The following MPP1 variants were observed in gnomAD, a reference collection of about 807,000 sequenced individuals.
MPP1 encodes 55 kDa erythrocyte membrane protein.
A neutral mutation model predicts 38.2 loss-of-function variants in MPP1; 6 were observed. That is an observed-to-expected ratio of 0.16 (90% confidence interval 0.09 to 0.31). The LOEUF (loss-of-function observed/expected upper bound fraction) is 0.31, where lower values mean the gene tolerates loss of function less well. Ranked by LOEUF, MPP1 falls within the 10% of genes least tolerant of loss-of-function variation. The pLI is 1.00. For synonymous variants in MPP1, 153 were observed against 146.3 expected, an observed-to-expected ratio of 1.05 and a Z score of -0.33; for missense variants, 293 against 368.9, an observed-to-expected ratio of 0.79 and a Z score of 1.69.
chrX:154,785,485 T>C (rs1340223708), intron 6 of MPP1, among the ~76,000 whole-genome samples: 7 of 111,412 alleles, frequency 6.3e-5, no homozygotes, highest in African/African-American at 2.3e-4. Context: ...ACACTGTACA[T>C]TGCAAGCCAT....
At chrX:154,795,521 T>C (rs782221598) in intron 1 of MPP1, among the ~76,000 whole-genome samples, 39 of 111,652 alleles carry the variant, frequency 3.5e-4, no homozygotes, top group Admixed American at 2.1e-3. Context: ...TCCCAGCACT[T>C]TGGGAGGCTG....
rs1020787600 is a variant in MPP1, at chrX:154,783,854, G to A, written c.865+174C>T. The A allele has an allele frequency of 1.1e-5, 5 of 449,656 alleles. No homozygotes were observed. The South Asian group carries it at 1.4e-4, about 13-fold the overall frequency. The allele number at this position is 449,656 out of a possible 1,213,427, so 37.1% of individuals were successfully genotyped here. A position where few individuals can be genotyped will look rare whatever the true frequency, so the allele number is the denominator to read the frequency against. On this transcript the variant is annotated intron_variant, in intron 8 of 11. Coordinates refer to ENST00000369534, the MANE Select transcript of MPP1 (RefSeq NM_002436.4). ...TGTAAGGTTTAGTTTCATTTGTGAG[G>A]TGGACCCAGGTGGGGTGCACGTGAG...
intron 1 of MPP1, among the ~76,000 whole-genome samples, chrX:154,793,992 T>G (rs2072169173): frequency 8.9e-6 from 1 of 112,129 alleles, no homozygotes. Flanking sequence ...CTTGACATTC[T>G]TGAAGAGTAC....
At chrX:154,783,690 C>T in intron 8 of MPP1, 183 bp from the exon 9 acceptor site, 1 of 441,042 alleles carries the variant, frequency 2.3e-6, no homozygotes, top group East Asian at 3.8e-5. Context: ...GCCTACATAC[C>T]TGGGTTTGAA....
chrX:154,786,861 A>C (rs2072081272), intron 5 of MPP1, among the ~76,000 whole-genome samples: 1 of 84,782 alleles, frequency 1.2e-5, no homozygotes, highest in African/African-American at 4.7e-5. Flanking sequence ...GTGCCACTGC[A>C]CTCCAGCCTG....
At position 154,789,982 on chromosome X, in the gene MPP1, T is replaced by C; in HGVS notation, c.452A>G (p.Asn151Ser). ...TAGTGCAGGAAGACGGCTTTGCTGG[T>C]TGGGAATTACTTTTAATGAGATCAT... ...KGMISLKVIP[N>S]QQSRLPALQM... is the part of the protein sequence containing the mutation. Residue 151 changes from asparagine (N) to serine (S), a missense_variant, in exon 5 of 12, where the codon AAC (asparagine) becomes AGC (serine). Coordinates refer to ENST00000369534, the MANE Select transcript of MPP1 (RefSeq NM_002436.4). 1 of 1,204,221 alleles carries C rather than the reference T, an allele frequency of 8.3e-7. No individual in the cohort carries two copies. The highest frequency in any genetic ancestry group is 3.0e-5 in the East Asian group (1 of 33,652).
intron 8 of MPP1, chrX:154,783,748 G>C (rs1306731502): frequency 5.8e-5 from 25 of 428,891 alleles, no homozygotes; most frequent in Non-Finnish European, 8.9e-5. Context: ...TGGGGGAAGG[G>C]AGATTTACAA....
At chrX:154,793,013 G>A (rs782043761) in intron 1 of MPP1, among the ~76,000 whole-genome samples, 2 of 111,662 alleles carry the variant, frequency 1.8e-5, no homozygotes, top group Non-Finnish European at 3.8e-5. Context: ...AAAGACAAAC[G>A]ACCCATGTAA....
chrX:154,792,085 C>T (rs2072148074), intron 2 of MPP1, 57 bp downstream of exon 2: 1 of 1,185,501 alleles, frequency 8.4e-7, no homozygotes, highest in East Asian at 3.0e-5. Flanking sequence ...ACTCTTCTGG[C>T]CCAGTGACTC....
At chrX:154,793,457 G>A (rs782339560) in intron 1 of MPP1, among the ~76,000 whole-genome samples, 3 of 112,038 alleles carry the variant, frequency 2.7e-5, no homozygotes, top group African/African-American at 9.7e-5. Context: ...AGCTTTCAGG[G>A]GTAAAGTGCT....
At chrX:154,793,512 G>A in intron 1 of MPP1, among the ~76,000 whole-genome samples, 1 of 112,018 alleles carries the variant, frequency 8.9e-6, no homozygotes, top group Non-Finnish European at 1.9e-5. Context: ...AAAGAAGGTG[G>A]ATAGATGGGC....
intron 8 of MPP1, 52 bp from the exon 9 acceptor site, chrX:154,783,559 T>A (rs1344487840): frequency 1.9e-6 from 2 of 1,045,338 alleles, no homozygotes; most frequent in East Asian, 6.2e-5. Context: ...GGAGCGAGGA[T>A]AAGATACGGA....
Position 154,792,186 on chromosome X carries a change from T to C in MPP1, c.202A>G (p.Lys68Glu), listed in dbSNP as rs138328428. 5.7e-5 allele frequency: 69 copies of C among 1,210,291 alleles called. No homozygotes were observed. Among genetic ancestry groups the C allele is most frequent in the Non-Finnish European group, 6.8e-5 (61 of 895,305 alleles). Residue 68 changes from lysine to glutamate, a missense_variant, in exon 2 of 12, where the codon AAA becomes GAA. Lys to Glu is a moderately conservative substitution (Grantham distance 56). Coordinates refer to ENST00000369534, the MANE Select transcript of MPP1 (RefSeq NM_002436.4). ...PAQVKGQEVRKVRLIQFEKVT... is the reference protein window; with the variant it reads ...PAQVKGQEVREVRLIQFEKVT... ...TTCTCAAACTGTATGAGTCGCACTT[T>C]CCGCACCTCCTGTCCCTTGACCTGG...
At position 154,792,211 on chromosome X, in the gene MPP1, G is replaced by A. The variant is rs1557267828; in HGVS notation, c.177C>T (p.Ala59=). The A allele has an allele frequency of 8.3e-7, 1 of 1,211,711 alleles. No homozygotes were observed. The highest frequency in any genetic ancestry group is 1.8e-5 in the South Asian group (1 of 57,008). Reference sequence around the variant, plus strand: ...TCCGCACCTCCTGTCCCTTGACCTGGGCAGGGCTACCTGGGGCAGGAGACC... The same window carrying A: ...TCCGCACCTCCTGTCCCTTGACCTGAGCAGGGCTACCTGGGGCAGGAGACC... The part of the protein sequence containing the change: ...TNGSPAPGSP[A]QVKGQEVRKV... The change falls in exon 2 of 12, where the codon GCC becomes GCT. Residue 59 remains alanine, a synonymous_variant. Transcript: ENST00000369534.
chrX:154,781,342 A>C, intron 10 of MPP1, 29 bp from the exon 11 acceptor site: 2 of 899,014 alleles, frequency 2.2e-6, no homozygotes, highest in African/African-American at 2.2e-5. Flanking sequence ...GGCGGCGGGG[A>C]GGGGGGGGAA....
chrX:154,805,290 C>T lies in MPP1; in HGVS notation c.84G>A (p.Gln28=). The T allele has an allele frequency of 2.5e-6, 3 of 1,206,818 alleles. No individual in the cohort carries two copies. The highest frequency in any genetic ancestry group is 3.4e-6 in the Non-Finnish European group (3 of 892,744). The change falls in exon 1 of 12, where the codon CAG becomes CAA. Residue 28 remains glutamine, a synonymous_variant. Transcript: ENST00000369534. ...CGCTCACCTCTGGCCGACTACGCTTCTGCAGCAAATGCTCCAGGTAGAGGT... is the reference window on the plus strand; with the variant it reads ...CGCTCACCTCTGGCCGACTACGCTTTTGCAGCAAATGCTCCAGGTAGAGGT... ...LSDLYLEHLL[Q]KRSRPEAVSH... is the part of the protein sequence containing the mutation.
intron 6 of MPP1, 103 bp downstream of exon 6, chrX:154,786,101 C>G (rs1376306223): frequency 1.2e-6 from 1 of 819,783 alleles, no homozygotes; most frequent in Non-Finnish European, 1.7e-6. Context: ...TAGGAGGTCT[C>G]CTTGGTTGAG....
intron 1 of MPP1, among the ~76,000 whole-genome samples, chrX:154,799,153 A>G (rs2072234082): frequency 8.9e-6 from 1 of 112,412 alleles, no homozygotes; most frequent in African/African-American, 3.2e-5. Flanking sequence ...AAAGTTCAAG[A>G]GTTGCCATCC....
At chrX:154,792,415 G>A in intron 1 of MPP1, 130 bp from the exon 2 acceptor site, 1 of 758,928 alleles carries the variant, frequency 1.3e-6, no homozygotes. Flanking sequence ...ATTCTTATTT[G>A]AATTGACATG....
Sources: allele counts gnomAD v4.1 joint callset (sites outside exome capture counted in the v4.1 genomes callset), GRCh38; gene constraint gnomAD v4.1.1; transcripts MANE v1.5; gene names NCBI Gene and HGNC (gene_info 2026-07-23, HGNC 2026-07-21).